LHFPL3: variants seen among roughly 807,000 people sequenced by gnomAD.
LHFPL3 encodes the protein LHFPL tetraspan subfamily member 3 protein.
Under a neutral mutation model 19.3 loss-of-function variants are expected in LHFPL3, and 5 were observed. The ratio of observed to expected loss-of-function variants is 0.26; its 90% CI spans 0.14 to 0.54. The LOEUF (loss-of-function observed/expected upper bound fraction) is 0.54, where lower values mean the gene tolerates loss of function less well. LHFPL3 is among the 20% of genes least tolerant of loss of function. The pLI, the probability that LHFPL3 is intolerant of heterozygous loss-of-function variation, is 0.94. For synonymous variants in LHFPL3, 133 were observed against 126.2 expected (o/e 1.05, Z -0.36); for missense variants, 249 against 307.4 (o/e 0.81, Z 1.42).
At chr7:104,566,471 AATG>A (rs1321015283) in intron 1 of LHFPL3, among the ~76,000 whole-genome samples, 3 of 152,228 alleles carry the variant, frequency 2.0e-5, no homozygotes, top group Admixed American at 1.3e-4. Context: ...ATGAGTTGTG[AATG>A]ATAAATATTT....
At position 104,634,421 on chromosome 7, in the gene LHFPL3, C is replaced by A. The variant is rs375405604; in HGVS notation, c.446-102254C>A. Among the ~76,000 whole-genome samples the A allele has an allele frequency of 2.0e-5, 3 of 152,126 alleles. No individual in the cohort carries two copies. The East Asian group carries it at 5.8e-4, about 29-fold the overall frequency. ...TTTTCTTATTTGTATTAGGACCCCA[C>A]CCATATGACCTCATTTAACCTTTAT... On this transcript the variant is annotated intron_variant, in intron 1 of 2. Coordinates refer to ENST00000424859, the MANE Select transcript of LHFPL3 (RefSeq NM_199000.3).
chr7:104,601,486 C>A (rs1180812059), intron 1 of LHFPL3, among the ~76,000 whole-genome samples: 1 of 152,100 alleles, frequency 6.6e-6, no homozygotes, highest in Non-Finnish European at 1.5e-5. Context: ...TTGATAGTGA[C>A]AAGCGCTCTG....
intron 2 of LHFPL3, chr7:104,800,010 T>C (rs1790213605): frequency 6.6e-6 from 1 of 152,670 alleles, no homozygotes; most frequent in Non-Finnish European, 1.5e-5. Context: ...AGGTGATCTT[T>C]CTTTTTGCAA....
chr7:104,667,155 G>GC (rs1562961515), intron 1 of LHFPL3, among the ~76,000 whole-genome samples: 1 of 150,296 alleles, frequency 6.7e-6, no homozygotes. Context: ...CACCAGCATG[G>GC]TTTTTTTTTC....
intron 2 of LHFPL3, among the ~76,000 whole-genome samples, chr7:104,800,680 C>T (rs1433205367): frequency 1.3e-5 from 2 of 152,124 alleles, no homozygotes; most frequent in Non-Finnish European, 2.9e-5. Flanking sequence ...CATCATCTAC[C>T]CACCCACCCA....
chr7:104,765,589 A>G (rs1482227630), intron 2 of LHFPL3, among the ~76,000 whole-genome samples: 1 of 152,210 alleles, frequency 6.6e-6, no homozygotes, highest in East Asian at 1.9e-4. Context: ...GAGAAATTAC[A>G]AAGGCATTTT....
At chr7:104,669,082 A>T in intron 1 of LHFPL3, 1 of 1,612,656 alleles carries the variant, frequency 6.2e-7, no homozygotes, top group Non-Finnish European at 8.5e-7. Flanking sequence ...GTCTCTAGAA[A>T]ATGAAACACT....
At chr7:104,494,946 C>A (rs1334841737) in intron 1 of LHFPL3, among the ~76,000 whole-genome samples, 2 of 152,142 alleles carry the variant, frequency 1.3e-5, no homozygotes, top group African/African-American at 4.8e-5. Context: ...CTGATCCGAC[C>A]ATCCATCCCT....
rs116149646 is a variant in LHFPL3 at position 104,395,367 on chromosome 7, A to G, written c.445+66143A>G. 2.2e-3 allele frequency among the ~76,000 whole-genome samples: 334 copies of G among 152,280 alleles called. 1 individual carries two copies. The highest frequency in any genetic ancestry group is 7.6e-3 in the African/African-American group (316 of 41,542). ...GCAAGATCCTCCTGTTTGCTCACAC[A>G]TTTCCCAATTCTTTTAGTACATTCA... On this transcript the variant is annotated intron_variant, in intron 1 of 2. Transcript: ENST00000424859.
At chr7:104,397,313 A>G (rs1381300090) in intron 1 of LHFPL3, among the ~76,000 whole-genome samples, 2 of 152,112 alleles carry the variant, frequency 1.3e-5, no homozygotes, top group Non-Finnish European at 2.9e-5. Flanking sequence ...AGAATAATTT[A>G]TTTGTTTGGT....
intron 1 of LHFPL3, among the ~76,000 whole-genome samples, chr7:104,689,117 G>T (rs1326995718): frequency 2.6e-5 from 4 of 152,224 alleles, no homozygotes; most frequent in Non-Finnish European, 5.9e-5. Context: ...GTGAGGGGGA[G>T]AACCTGCATC....
At chr7:104,604,944 C>T (rs904992425) in intron 1 of LHFPL3, among the ~76,000 whole-genome samples, 1 of 152,138 alleles carries the variant, frequency 6.6e-6, no homozygotes, top group Non-Finnish European at 1.5e-5. Flanking sequence ...CACAAAGGAC[C>T]ATTAGAATTA....
intron 1 of LHFPL3, among the ~76,000 whole-genome samples, chr7:104,367,522 A>G (rs1376251448): frequency 2.0e-5 from 3 of 152,206 alleles, no homozygotes; most frequent in South Asian, 2.1e-4. Context: ...CAAATGAGCT[A>G]TTTATGGCTT....
chr7:104,736,992 T>C, intron 2 of LHFPL3, 81 bp downstream of exon 2: 1 of 1,110,760 alleles, frequency 9.0e-7, no homozygotes. Flanking sequence ...CCTCAAATAC[T>C]AGTGCTTCCC....
intron 1 of LHFPL3, among the ~76,000 whole-genome samples, chr7:104,653,860 C>G (rs992768571): frequency 3.9e-5 from 6 of 152,204 alleles, no homozygotes; most frequent in Non-Finnish European, 8.8e-5. Flanking sequence ...GGCATCCCCC[C>G]AAATCCACAG....
At chr7:104,715,746 T>C (rs1347866728) in intron 1 of LHFPL3, among the ~76,000 whole-genome samples, 1 of 152,228 alleles carries the variant, frequency 6.6e-6, no homozygotes, top group Non-Finnish European at 1.5e-5. Flanking sequence ...TAAATCCCAC[T>C]TGGCAATGTG....
chr7:104,808,199 C>A (rs530893365), intron 2 of LHFPL3, among the ~76,000 whole-genome samples: 1 of 152,286 alleles, frequency 6.6e-6, no homozygotes, highest in African/African-American at 2.4e-5. Flanking sequence ...CTGAAATGCC[C>A]AGGTTATTTT....
chr7:104,391,145 T>C (rs1300246398), intron 1 of LHFPL3, among the ~76,000 whole-genome samples: 1 of 152,230 alleles, frequency 6.6e-6, no homozygotes, highest in African/African-American at 2.4e-5. Context: ...GCCTGTTCAC[T>C]CTGATGGTAC....
chr7:104,423,675 A>C (rs1791778553), intron 1 of LHFPL3, among the ~76,000 whole-genome samples: 1 of 151,990 alleles, frequency 6.6e-6, no homozygotes, highest in African/African-American at 2.4e-5. Context: ...CAAACAACAA[A>C]CAAACAGAAA....
Sources: gnomAD v4.1 joint callset for allele counts (sites outside exome capture counted in the v4.1 genomes callset) on GRCh38, gnomAD v4.1.1 for gene constraint, MANE v1.5 for transcripts, NCBI Gene and HGNC (gene_info 2026-07-23, HGNC 2026-07-21) for gene names.